The following CLNK variants were observed in gnomAD, a reference collection of about 807,000 sequenced individuals.
The protein encoded by CLNK is cytokine-dependent hematopoietic cell linker.
CLNK carries 74 observed loss-of-function variants against 68.6 expected under a neutral mutation model. The ratio of observed to expected loss-of-function variants is 1.08; its 90% confidence interval spans 0.89 to 1.31. The LOEUF is 1.31. Among genes scored for constraint, CLNK ranks in the 50% most tolerant of loss-of-function variants. The pLI, the probability that CLNK is intolerant of heterozygous loss-of-function variation, is 0.00. For missense variants in CLNK, 553 were observed against 515.3 expected (o/e 1.07, Z -0.71); for synonymous variants, 198 against 172.2 (o/e 1.15, Z -1.17).
intron 2 of CLNK, among the ~76,000 whole-genome samples, chr4:10,643,895 A>G (rs1475564502): frequency 6.6e-6 from 1 of 152,240 alleles, no homozygotes; most frequent in African/African-American, 2.4e-5. Context: ...GTTACATGGA[A>G]ATTCCTTTTC....
rs190045882 is a variant in CLNK at position 10,676,338 on chromosome 4, T to C, written c.-43+8330A>G. ...AATTAAATATAACATTTAATTTTATTGGATTTCCATTGAGTGGAGGCCTTT... is the reference window on the plus strand; with the variant it reads ...AATTAAATATAACATTTAATTTTATCGGATTTCCATTGAGTGGAGGCCTTT... On this transcript the variant is annotated intron_variant, in intron 1 of 18. Coordinates refer to ENST00000226951, the MANE Select transcript of CLNK (RefSeq NM_052964.4). Among the ~76,000 whole-genome samples, 3 of 152,136 alleles carry C rather than the reference T, an allele frequency of 2.0e-5. No individual in the cohort carries two copies. In the East Asian group the frequency reaches 5.8e-4, roughly 29 times the overall value.
At chr4:10,555,090 C>T (rs547471113) in intron 8 of CLNK, among the ~76,000 whole-genome samples, 20 of 152,306 alleles carry the variant, frequency 1.3e-4, no homozygotes, top group African/African-American at 4.6e-4. Flanking sequence ...CATCTAAACT[C>T]GTCTAAAAGC....
intron 2 of CLNK, among the ~76,000 whole-genome samples, chr4:10,607,181 C>A (rs1721822900): frequency 6.6e-6 from 1 of 152,200 alleles, no homozygotes; most frequent in Non-Finnish European, 1.5e-5. Flanking sequence ...CATAGAGTTT[C>A]TGTGCTGATG....
intron 4 of CLNK, among the ~76,000 whole-genome samples, chr4:10,576,427 T>C (rs1022363592): frequency 3.2e-4 from 49 of 152,192 alleles, no homozygotes; most frequent in African/African-American, 1.1e-3. Flanking sequence ...ACAACTGACT[T>C]CTGTGTTTCC....
chr4:10,696,909 C>T, the CLNK span, among the ~76,000 whole-genome samples: 1 of 152,178 alleles, frequency 6.6e-6, no homozygotes, highest in African/African-American at 2.4e-5. Flanking sequence ...GGGCCCTTCC[C>T]CAGATCACTG....
At chr4:10,653,055 CTGGA>C (rs1723816831) in intron 2 of CLNK, among the ~76,000 whole-genome samples, 1 of 152,158 alleles carries the variant, frequency 6.6e-6, no homozygotes. Flanking sequence ...ATGGATGACA[CTGGA>C]AACCATCATT....
chr4:10,665,374 A>G (rs1724353232), intron 2 of CLNK, among the ~76,000 whole-genome samples: 1 of 152,180 alleles, frequency 6.6e-6, no homozygotes, highest in Non-Finnish European at 1.5e-5. Flanking sequence ...GGAATCATTA[A>G]AAGACATAGA....
chr4:10,518,618 T>C (rs930771255), intron 15 of CLNK, among the ~76,000 whole-genome samples: 2 of 152,208 alleles, frequency 1.3e-5, no homozygotes, highest in Non-Finnish European at 2.9e-5. Context: ...CAAAATATTT[T>C]TTTCTCTCCT....
At chr4:10,690,636 C>A in the CLNK span, among the ~76,000 whole-genome samples, 3 of 152,148 alleles carry the variant, frequency 2.0e-5, no homozygotes, top group Non-Finnish European at 4.4e-5. Context: ...TCAATATATG[C>A]TATAATTGTG....
intron 15 of CLNK, among the ~76,000 whole-genome samples, chr4:10,518,801 A>C (rs1408848765): frequency 6.6e-6 from 1 of 152,196 alleles, no homozygotes; most frequent in Non-Finnish European, 1.5e-5. Flanking sequence ...TGTAAATTTC[A>C]CTCTGCTGCA....
At chr4:10,568,374 C>T (rs1402642889) in intron 5 of CLNK, among the ~76,000 whole-genome samples, 3 of 151,766 alleles carry the variant, frequency 2.0e-5, no homozygotes, top group Non-Finnish European at 2.9e-5. Context: ...TTGCCAAGGT[C>T]TGGGGGAAGG....
chr4:10,683,354 A>G (rs936519100), intron 1 of CLNK, among the ~76,000 whole-genome samples: 3 of 152,198 alleles, frequency 2.0e-5, no homozygotes, highest in Non-Finnish European at 2.9e-5. Flanking sequence ...TCTTGCCTAT[A>G]CAGTCATCTG....
intron 2 of CLNK, among the ~76,000 whole-genome samples, chr4:10,655,050 G>A (rs1281717726): frequency 7.2e-6 from 1 of 138,146 alleles, no homozygotes; most frequent in Non-Finnish European, 1.5e-5. Context: ...GCAGTGAGCC[G>A]AGATCACACC....
intron 15 of CLNK, among the ~76,000 whole-genome samples, chr4:10,516,098 A>T (rs1303933379): frequency 6.6e-6 from 1 of 152,142 alleles, no homozygotes; most frequent in African/African-American, 2.4e-5. Flanking sequence ...ACAAACATGG[A>T]GTGAAGTATA....
At chr4:10,508,727 A>G in intron 16 of CLNK, among the ~76,000 whole-genome samples, 1 of 152,296 alleles carries the variant, frequency 6.6e-6, no homozygotes, top group African/African-American at 2.4e-5. Context: ...ATTTAGTAGC[A>G]TGTCAATCCA....
intron 2 of CLNK, among the ~76,000 whole-genome samples, chr4:10,642,186 A>G (rs2108876309): frequency 6.6e-6 from 1 of 152,300 alleles, no homozygotes; most frequent in African/African-American, 2.4e-5. Flanking sequence ...CATACATAGC[A>G]TCCTTTACTA....
At chr4:10,657,175 C>CTGGGT (rs762650262) in intron 2 of CLNK, among the ~76,000 whole-genome samples, 1 of 152,164 alleles carries the variant, frequency 6.6e-6, no homozygotes, top group Non-Finnish European at 1.5e-5. Flanking sequence ...ACTCGGCAGT[C>CTGGGT]TGGGTGCAAG....
chr4:10,699,242 A>ACACCCACCACG, the CLNK span, among the ~76,000 whole-genome samples: 1 of 56,948 alleles, frequency 1.8e-5, no homozygotes, highest in East Asian at 3.9e-4. Flanking sequence ...ATACACACAC[A>ACACCCACCACG]TACACACCAC....
chr4:10,717,744 G>C, the CLNK span, among the ~76,000 whole-genome samples: 7 of 152,168 alleles, frequency 4.6e-5, no homozygotes, highest in Non-Finnish European at 8.8e-5. Flanking sequence ...GTGGAAACCA[G>C]CTAAAACACG....
Sources: allele counts gnomAD v4.1 joint callset (sites outside exome capture counted in the v4.1 genomes callset), GRCh38; gene constraint gnomAD v4.1.1; transcripts MANE v1.5; gene names NCBI Gene and HGNC (gene_info 2026-07-23, HGNC 2026-07-21).